The following DMAC2L variants were observed in gnomAD, a reference collection of about 807,000 sequenced individuals.
DMAC2L encodes distal membrane arm assembly component 2 like, also known as ATP synthase subunit s, mitochondrial.
DMAC2L carries 21 observed loss-of-function variants against 22.5 expected under a neutral mutation model. The observed-to-expected ratio is 0.93, with a 90% CI of 0.66 to 1.34. The LOEUF is 1.34. Ranked by LOEUF, DMAC2L falls within the 40% of genes most tolerant of loss-of-function variation. The pLI, the probability that DMAC2L is intolerant of heterozygous loss-of-function variation, is 0.00. For synonymous variants in DMAC2L, 86 were observed against 89.5 expected (o/e 0.96, Z 0.22); for missense variants, 239 against 246.5 (o/e 0.97, Z 0.20).
rs999619116 is a variant in DMAC2L at position 50,319,020 on chromosome 14, G to A, written c.-5-2463G>A. 6.1e-6 allele frequency: 6 copies of A among 985,148 alleles called. No individual in the cohort carries two copies. The South Asian group carries it at 1.4e-4, about 23-fold the overall frequency. 61.0% of individuals were successfully genotyped at this position (985,148 alleles called of 1,614,324 possible). A position where few individuals can be genotyped will look rare whatever the true frequency, so the allele number is the denominator to read the frequency against. ...GACATTCAATAAACATTTTTTGAGC[G>A]AATGAATGAATGGACATGGCATTTG... On this transcript the variant is annotated intron_variant, in intron 2 of 5. Transcript: ENST00000557421.
Position 50,319,952 on chromosome 14 carries a change from A to T in DMAC2L, c.-5-1531A>T, listed in dbSNP as rs1170685236. ...TGTAATGTCATTCCCATCCTTCCCC[A>T]ACTAGGCCCTTTCGTATGGCCTCAT... On this transcript the variant is annotated intron_variant, in intron 2 of 5. Transcript: ENST00000557421. Among the ~76,000 whole-genome samples, 4 of 152,126 alleles carry T rather than the reference A, an allele frequency of 2.6e-5. No individual in the cohort carries two copies. In the East Asian group the frequency reaches 7.7e-4, roughly 29 times the overall value.
Position 50,312,388 on chromosome 14 carries a change from C to T in DMAC2L, c.-43C>T. The T allele has an allele frequency of 1.7e-6, 1 of 594,100 alleles. No homozygotes were observed. The highest frequency in any genetic ancestry group is 2.9e-5 in the East Asian group (1 of 34,504). The allele number at this position is 594,100 out of a possible 1,614,324, so 36.8% of individuals were successfully genotyped here. ...GCTCCCTCCCTCCCTCCCTCCGACGCTGTGAGTAGAGAAGCTAGGCCCCGA... is the reference window on the plus strand; with the variant it reads ...GCTCCCTCCCTCCCTCCCTCCGACGTTGTGAGTAGAGAAGCTAGGCCCCGA... On this transcript the variant is annotated splice_region_variant and 5_prime_UTR_variant, in exon 1 of 6. Coordinates refer to ENST00000557421, the MANE Select transcript of DMAC2L (RefSeq NM_001382507.1).
At chr14:50,315,886 T>C (rs2031755826) in intron 2 of DMAC2L, among the ~76,000 whole-genome samples, 1 of 152,168 alleles carries the variant, frequency 6.6e-6, no homozygotes, top group African/African-American at 2.4e-5. Flanking sequence ...CAAGTATCTT[T>C]TTTGTATAAT....
intron 1 of DMAC2L, among the ~76,000 whole-genome samples, chr14:50,313,275 A>G (rs147225013): frequency 1.9e-3 from 293 of 152,332 alleles, no homozygotes; most frequent in African/African-American, 6.9e-3. Context: ...GTGTGCCTCT[A>G]AGAATCTTGG....
chr14:50,322,850 TC>T lies in DMAC2L; in HGVS notation c.316+133del. ...TTTCATTATAGTCAAGTTTGTTTCT[TC>T]CTGTGTTTGATATTTATTTTCAAAT... On this transcript the variant is annotated intron_variant, in intron 4 of 5. Coordinates refer to ENST00000557421, the MANE Select transcript of DMAC2L (RefSeq NM_001382507.1). 3 of 1,501,586 alleles carry T rather than the reference TC, an allele frequency of 2.0e-6. No individual in the cohort carries two copies. In the African/African-American group the frequency reaches 4.2e-5, roughly 21 times the overall value. 93.0% of individuals were successfully genotyped at this position (1,501,586 alleles called of 1,614,324 possible).
upstream of DMAC2L, chr14:50,312,243 C>T (rs1160841321): frequency 2.9e-5 from 44 of 1,538,862 alleles, no homozygotes; most frequent in Non-Finnish European, 3.9e-5. Context: ...GCCCCTCACG[C>T]GGGGGCCAAT....
Position 50,325,967 on chromosome 14 carries a change from T to C in DMAC2L, c.*244T>C, listed in dbSNP as rs1373167591. On this transcript the variant is annotated 3_prime_UTR_variant, in exon 6 of 6. Coordinates refer to ENST00000557421, the MANE Select transcript of DMAC2L (RefSeq NM_001382507.1). ...AAGTGCAGCCAGGCGCAGTGGCTCA[T>C]GCCTGTAATCCTAGCACTTTGGGAG... 8 of 1,118,216 alleles carry C rather than the reference T, an allele frequency of 7.2e-6. No individual in the cohort carries two copies. Among genetic ancestry groups the C allele is most frequent in the Admixed American group, 4.6e-5 (1 of 21,848 alleles). 69.3% of individuals were successfully genotyped at this position (1,118,216 alleles called of 1,614,324 possible).
chr14:50,322,673 C>T lies in DMAC2L; in HGVS notation c.270C>T (p.Ile90=), dbSNP rs1379832906. ...TGGACAAATACAAGATTCAGGCGAT[C>T]GACGCCACCGACTCTTGTATCATGA... ...GPLDKYKIQA[I]DATDSCIMSI... Residue 90 remains isoleucine, a synonymous_variant, in exon 4 of 6, where the codon ATC becomes ATT. Coordinates refer to ENST00000557421, the MANE Select transcript of DMAC2L (RefSeq NM_001382507.1). The T allele has an allele frequency of 7.4e-6, 12 of 1,613,954 alleles. No individual in the cohort carries two copies. In the South Asian group the frequency reaches 7.7e-5, roughly 10 times the overall value.
chr14:50,325,506 T>G, intron 5 of DMAC2L, 103 bp from the exon 6 acceptor site: 1 of 1,361,346 alleles, frequency 7.3e-7, no homozygotes, highest in East Asian at 2.5e-5. Flanking sequence ...CATAGGGTGA[T>G]ATAGATTCAT....
At chr14:50,312,179 C>T (rs370435252), upstream of DMAC2L, 192 of 1,607,256 alleles carry the variant, frequency 1.2e-4, no homozygotes, top group Admixed American at 6.2e-4. Flanking sequence ...TCCCTCAGCG[C>T]TCAGAAGAAG....
intron 4 of DMAC2L, chr14:50,322,958 G>A (rs2032405603): frequency 7.3e-7 from 1 of 1,374,770 alleles, no homozygotes; most frequent in Non-Finnish European, 9.4e-7. Flanking sequence ...TTGGTTTATT[G>A]ACTTAAAATC....
Position 50,326,652 on chromosome 14 carries a change from G to T in DMAC2L, c.*929G>T. ...TACTATTTTATTAAAACTGGACATAGATACTTGGCTGAATACAAATAGTTT... is the reference window on the plus strand; with the variant it reads ...TACTATTTTATTAAAACTGGACATATATACTTGGCTGAATACAAATAGTTT... On this transcript the variant is annotated 3_prime_UTR_variant, in exon 6 of 6. Transcript: ENST00000557421. The T allele has an allele frequency of 1.0e-6, 1 of 985,326 alleles. No homozygotes were observed. The highest frequency in any genetic ancestry group is 1.2e-6 in the Non-Finnish European group (1 of 829,848). The allele number at this position is 985,326 out of a possible 1,614,324, so 61.0% of individuals were successfully genotyped here. A position where few individuals can be genotyped will look rare whatever the true frequency, so the allele number is the denominator to read the frequency against.
Position 50,312,633 on chromosome 14 carries a change from C to T in DMAC2L, c.-42+244C>T, listed in dbSNP as rs1316043498. On this transcript the variant is annotated intron_variant, in intron 1 of 5. Coordinates refer to ENST00000557421, the MANE Select transcript of DMAC2L (RefSeq NM_001382507.1). ...GCTCGCCCTCGGCCCCGCCCCCGCC[C>T]CGCCCCCGCTCCAGCTCCAGCCGGG... 2 of 285,704 alleles carry T rather than the reference C, an allele frequency of 7.0e-6. 1 individual carries two copies. The highest frequency in any genetic ancestry group is 9.7e-5 in the South Asian group (2 of 20,698). 17.7% of individuals were successfully genotyped at this position (285,704 alleles called of 1,614,324 possible).
chr14:50,320,882 C>T (rs190901284), intron 2 of DMAC2L, among the ~76,000 whole-genome samples: 1 of 152,314 alleles, frequency 6.6e-6, no homozygotes, highest in East Asian at 1.9e-4. Flanking sequence ...TACATTTTGA[C>T]AGCTGGAAAT....
At chr14:50,313,175 T>C in intron 1 of DMAC2L, 6 of 849,094 alleles carry the variant, frequency 7.1e-6, no homozygotes, top group Non-Finnish European at 1.2e-5. Flanking sequence ...ACACTCATTC[T>C]GTATGCTTGA....
chr14:50,325,514 C>G, intron 5 of DMAC2L, 95 bp from the exon 6 acceptor site: 7 of 1,394,824 alleles, frequency 5.0e-6, no homozygotes, highest in African/African-American at 1.5e-5. Flanking sequence ...GATATAGATT[C>G]ATTTTCTACA....
At position 50,313,450 on chromosome 14, in the gene DMAC2L, C is replaced by T. The variant is rs10141945; in HGVS notation, c.-42+1061C>T. Among the ~76,000 whole-genome samples, 1,033 of 152,124 alleles carry T rather than the reference C, an allele frequency of 6.8e-3. 18 individuals are homozygous for T. The highest frequency in any genetic ancestry group is 0.024 in the African/African-American group (996 of 41,484). ...GTTTAGCACAGTGAAGCATTTGCTACGTGATGACATTTATTATGGTTAAAG... is the reference window on the plus strand; with the variant it reads ...GTTTAGCACAGTGAAGCATTTGCTATGTGATGACATTTATTATGGTTAAAG... On this transcript the variant is annotated intron_variant, in intron 1 of 5. Coordinates refer to ENST00000557421, the MANE Select transcript of DMAC2L (RefSeq NM_001382507.1).
At position 50,321,582 on chromosome 14, in the gene DMAC2L, C is replaced by T; in HGVS notation, c.95C>T (p.Ala32Val). ...DSRYFWGWLN[A>V]VFNKVDYDRI... ...AGATACTTCTGGGGCTGGTTGAATG[C>T]AGTGTTTAATAAGTAAGTTACTCTA... Residue 32 changes from alanine to valine, a missense_variant, in exon 3 of 6, where the codon GCA becomes GTA. Ala to Val is a moderately conservative substitution (Grantham distance 64). Transcript: ENST00000557421. The T allele has an allele frequency of 6.2e-7, 1 of 1,611,794 alleles. No homozygotes were observed. The highest frequency in any genetic ancestry group is 8.5e-7 in the Non-Finnish European group (1 of 1,177,996).
intron 2 of DMAC2L, among the ~76,000 whole-genome samples, chr14:50,320,189 GT>G: frequency 6.6e-6 from 1 of 152,210 alleles, no homozygotes; most frequent in East Asian, 1.9e-4. Context: ...TGCCTCCCGG[GT>G]TCAAGCGATT....
Sources: gnomAD v4.1 joint callset for allele counts (sites outside exome capture counted in the v4.1 genomes callset) on GRCh38, gnomAD v4.1.1 for gene constraint, MANE v1.5 for transcripts, NCBI Gene and HGNC (gene_info 2026-07-23, HGNC 2026-07-21) for gene names.